Variants in PLG observed in about 807,000 individuals in gnomAD.
The protein encoded by PLG is plasminogen.
In PLG, 41 loss-of-function variants were observed where a neutral mutation model predicts 104.4. The observed-to-expected ratio is 0.39, with a 90% CI of 0.31 to 0.51. The LOEUF (loss-of-function observed/expected upper bound fraction) is 0.51, where lower values mean the gene tolerates loss of function less well. Ranked by LOEUF, PLG falls within the 20% of genes least tolerant of loss-of-function variation. The pLI is 0.76. For missense variants in PLG, 891 were observed against 1,003.6 expected, an observed-to-expected ratio of 0.89 and a Z score of 1.52; for synonymous variants, 337 against 357.1, an observed-to-expected ratio of 0.94 and a Z score of 0.63.
chr6:160,751,269 G>T (rs924921619), intron 17 of PLG, among the ~76,000 whole-genome samples: 1 of 152,146 alleles, frequency 6.6e-6, no homozygotes, highest in African/African-American at 2.4e-5. Flanking sequence ...AGCAAGAGTG[G>T]GGCCAACACG....
At chr6:160,712,660 G>A (rs1366210684) in intron 4 of PLG, among the ~76,000 whole-genome samples, 5 of 152,186 alleles carry the variant, frequency 3.3e-5, no homozygotes, top group Admixed American at 6.6e-5. Flanking sequence ...CAGAGAAAAC[G>A]GTAACTGACA....
At chr6:160,710,066 T>G (rs1025490456) in intron 3 of PLG, among the ~76,000 whole-genome samples, 8 of 152,188 alleles carry the variant, frequency 5.3e-5, no homozygotes, top group African/African-American at 1.9e-4. Context: ...AATAATTACT[T>G]TCCTTATTTT....
At chr6:160,716,937 C>G (rs1308028369) in intron 7 of PLG, among the ~76,000 whole-genome samples, 174 bp downstream of exon 7, 1 of 152,194 alleles carries the variant, frequency 6.6e-6, no homozygotes, top group Non-Finnish European at 1.5e-5. Flanking sequence ...TTATTGGTTA[C>G]TGTGGGTGAT....
At chr6:160,745,282 G>A (rs185241269) in intron 17 of PLG, among the ~76,000 whole-genome samples, 34 of 152,304 alleles carry the variant, frequency 2.2e-4, no homozygotes, top group South Asian at 8.3e-4. Flanking sequence ...TTTTGTGGGC[G>A]TCTAAGTCTC....
rs562924863 is a variant in PLG, at chr6:160,749,403, C to T, written c.2126-2712C>T. 6.6e-5 allele frequency among the ~76,000 whole-genome samples: 10 copies of T among 151,614 alleles called. No homozygotes were observed. In the South Asian group the frequency reaches 1.5e-3, roughly 22 times the overall value. On this transcript the variant is annotated intron_variant, in intron 17 of 18. Transcript: ENST00000308192. ...TCACCATCATCACTATCACCACCAC[C>T]ATCATCATCACTACCACTACCAACA...
At chr6:160,730,292 A>G (rs1213284208) in intron 10 of PLG, among the ~76,000 whole-genome samples, 1 of 152,140 alleles carries the variant, frequency 6.6e-6, no homozygotes, top group East Asian at 1.9e-4. Flanking sequence ...CTCATCCCCC[A>G]TTCCCTCAGA....
intron 10 of PLG, among the ~76,000 whole-genome samples, chr6:160,729,297 G>T (rs542863667): frequency 6.6e-6 from 1 of 152,160 alleles, no homozygotes; most frequent in Non-Finnish European, 1.5e-5. Context: ...TCTCGCATAC[G>T]CTGGTTAAAG....
At chr6:160,705,684 C>T (rs1045850499) in intron 1 of PLG, 2 of 152,142 alleles carry the variant, frequency 1.3e-5, no homozygotes, top group African/African-American at 2.4e-5. Flanking sequence ...AAGGAGGGAC[C>T]ATTCAGAGGA....
chr6:160,730,994 G>A (rs539825591), intron 10 of PLG, 57 bp from the exon 11 acceptor site: 2 of 1,532,432 alleles, frequency 1.3e-6, no homozygotes, highest in Non-Finnish European at 1.8e-6. Flanking sequence ...AGAGGGTGCT[G>A]GGTGCCCCTG....
rs1261821465 is a variant in PLG at position 160,718,356 on chromosome 6, C to T, written c.850C>T (p.Arg284Cys). 1.2e-6 allele frequency: 2 copies of T among 1,613,828 alleles called. No individual in the cohort carries two copies. Among genetic ancestry groups the T allele is most frequent in the African/African-American group, 1.3e-5 (1 of 75,054 alleles). ...TCTGAAGGGAACAGGTGAAAACTAT[C>T]GCGGGAATGTGGCTGTTACCGTGTC... ...QCLKGTGENY[R>C]GNVAVTVSGH... is the part of the protein sequence containing the mutation. The change falls in exon 8 of 19, where the codon CGC becomes TGC. Residue 284 changes from arginine (R) to cysteine (C), a missense_variant. Coordinates refer to ENST00000308192, the MANE Select transcript of PLG (RefSeq NM_000301.5).
intron 10 of PLG, among the ~76,000 whole-genome samples, chr6:160,727,942 G>C (rs915890005): frequency 6.6e-6 from 1 of 151,346 alleles, no homozygotes; most frequent in Non-Finnish European, 1.5e-5. Flanking sequence ...CATAAGACCT[G>C]AAAACAAAAC....
rs576154966 is a variant in PLG, at chr6:160,752,345, A to G, written c.2271+85A>G. The G allele has an allele frequency of 1.5e-6, 2 of 1,309,768 alleles. No individual in the cohort carries two copies. The highest frequency in any genetic ancestry group is 1.4e-5 in the African/African-American group (1 of 68,986). 81.1% of individuals were successfully genotyped at this position (1,309,768 alleles called of 1,614,324 possible). A position where few individuals can be genotyped will look rare whatever the true frequency, so the allele number is the denominator to read the frequency against. ...CTCAGACTTCATTCCCCAGGTGGCA[A>G]ATTCAAGGATTTTCAACCGAAGACC... On this transcript the variant is annotated intron_variant, in intron 18 of 18. Transcript: ENST00000308192. This position sits in a 1 kb window ranked among gnomAD's most constrained non-coding sequence, Gnocchi z 4.7.
chr6:160,730,757 G>A lies in PLG; in HGVS notation c.1257-294G>A, dbSNP rs1283278705. 13 of 322,724 alleles carry A rather than the reference G, an allele frequency of 4.0e-5. No individual in the cohort carries two copies. The East Asian group carries it at 7.6e-4, about 19-fold the overall frequency. 20.0% of individuals were successfully genotyped at this position (322,724 alleles called of 1,614,324 possible). ...TCCTGAGAAATGTATTTGGCAGAAG[G>A]TGGGAGGGGGATATTCTGATCCTTT... is the stretch of plus-strand genomic sequence containing the variant. On this transcript the variant is annotated intron_variant, in intron 10 of 18. Transcript: ENST00000308192.
chr6:160,710,095 G>A (rs909711367), intron 3 of PLG, among the ~76,000 whole-genome samples: 7 of 152,146 alleles, frequency 4.6e-5, no homozygotes, highest in African/African-American at 1.4e-4. Flanking sequence ...ACCATATCTC[G>A]ACATTTATTA....
In PLG at chr6:160,753,863, G is replaced by C. The variant is rs1582956417; in HGVS notation, c.*802G>C. Among the ~76,000 whole-genome samples, 1 of 152,202 alleles carries C rather than the reference G, an allele frequency of 6.6e-6. No homozygotes were observed. Among genetic ancestry groups the C allele is most frequent in the African/African-American group, 2.4e-5 (1 of 41,442 alleles). The stretch of plus-strand genomic sequence containing the variant: ...TCACAGGAGAATGACCTGTGGGAGA[G>C]ATACATGTTTAGAAGGAAGAGAAAG... On this transcript the variant is annotated 3_prime_UTR_variant, in exon 19 of 19. Transcript: ENST00000308192. The surrounding 1 kb of genome is among the most constrained non-coding windows in gnomAD (Gnocchi z 5.4).
At chr6:160,746,791 C>T (rs1778283870) in intron 17 of PLG, among the ~76,000 whole-genome samples, 1 of 152,084 alleles carries the variant, frequency 6.6e-6, no homozygotes, top group Non-Finnish European at 1.5e-5. Flanking sequence ...AGGGCCAAAG[C>T]CTTGTGCAGG....
In PLG at chr6:160,731,425, G is replaced by A. The variant is rs555980469; in HGVS notation, c.1438+193G>A. Among the ~76,000 whole-genome samples the A allele has an allele frequency of 2.0e-5, 3 of 152,282 alleles. No individual in the cohort carries two copies. The East Asian group carries it at 5.8e-4, about 29-fold the overall frequency. ...GTGACTTTTGGCACAACGTGAGTGGGCTGTGCCTTTAGGACAGGTGCAAAC... is the reference window on the plus strand; with the variant it reads ...GTGACTTTTGGCACAACGTGAGTGGACTGTGCCTTTAGGACAGGTGCAAAC... On this transcript the variant is annotated intron_variant, in intron 11 of 18. Coordinates refer to ENST00000308192, the MANE Select transcript of PLG (RefSeq NM_000301.5). This position sits in a 1 kb window ranked among gnomAD's most constrained non-coding sequence, Gnocchi z 5.1.
chr6:160,748,401 G>GGA (rs1562383472), intron 17 of PLG, among the ~76,000 whole-genome samples: 1 of 71,040 alleles, frequency 1.4e-5, no homozygotes, highest in Admixed American at 1.7e-4. Flanking sequence ...AGAAAGAAAG[G>GGA]AAGAAAGAAA....
At chr6:160,711,432 G>A (rs1325754593) in intron 4 of PLG, 8 of 779,332 alleles carry the variant, frequency 1.0e-5, no homozygotes, top group Middle Eastern at 3.8e-4. Flanking sequence ...ATGTTTTATT[G>A]TCATATTGTT....
Sources: gnomAD v4.1 joint callset for allele counts (sites outside exome capture counted in the v4.1 genomes callset) on GRCh38, gnomAD v4.1.1 for gene constraint, Gnocchi (gnomAD v3.1) non-coding constraint, MANE v1.5 for transcripts, NCBI Gene and HGNC (gene_info 2026-07-23, HGNC 2026-07-21) for gene names.